MDFI: variants seen among roughly 807,000 people sequenced by gnomAD.
MDFI encodes MyoD family inhibitor.
In MDFI, 16 loss-of-function variants were observed where a neutral mutation model predicts 22.3. That is an observed-to-expected ratio of 0.72 (90% CI 0.49 to 1.09). The LOEUF is 1.09. MDFI is among the 50% of genes least tolerant of loss of function. MDFI has a pLI of 0.00. For synonymous variants in MDFI, 145 were observed against 142.7 expected (o/e 1.02, Z -0.12); for missense variants, 314 against 326.1 (o/e 0.96, Z 0.29).
At chr6:41,646,989 C>G (rs1768076416) in intron 3 of MDFI, among the ~76,000 whole-genome samples, 1 of 152,172 alleles carries the variant, frequency 6.6e-6, no homozygotes, top group African/African-American at 2.4e-5. Flanking sequence ...GAACGGCCCA[C>G]CCTGGTCCCA....
chr6:41,640,880 C>T (rs76526635), intron 2 of MDFI, among the ~76,000 whole-genome samples: 9,225 of 152,288 alleles, frequency 0.061, 375 homozygotes, highest in South Asian at 0.11. Context: ...CACATTTTTG[C>T]CCAGCATTGG....
Position 41,653,824 on chromosome 6 carries a change from G to GAAC in MDFI, c.*249_*250insAAC. The GAAC allele has an allele frequency of 2.0e-6, 1 of 504,982 alleles. No homozygotes were observed. 31.3% of individuals were successfully genotyped at this position (504,982 alleles called of 1,614,324 possible). The stretch of plus-strand genomic sequence containing the variant: ...CCTGAACTCTTTACTGGGTTACCAG[G>GAAC]TTCATACATTGCTGAGGACCTGACA... On this transcript the variant is annotated 3_prime_UTR_variant, in exon 5 of 5. Coordinates refer to ENST00000230321, the MANE Select transcript of MDFI (RefSeq NM_005586.4). This position sits in a 1 kb window ranked among gnomAD's most constrained non-coding sequence, Gnocchi z 4.2.
In MDFI at chr6:41,653,346, G is replaced by T. The variant is rs370457777; in HGVS notation, c.512G>T (p.Cys171Phe). 6.2e-7 allele frequency: 1 copy of T among 1,612,628 alleles called. No individual in the cohort carries two copies. The highest frequency in any genetic ancestry group is 1.7e-5 in the Admixed American group (1 of 60,006). The change falls in exon 5 of 5, where the codon TGC becomes TTC. Residue 171 changes from cysteine to phenylalanine, a missense_variant. Physicochemically the swap from Cys to Phe is radical, Grantham distance 205. Coordinates refer to ENST00000230321, the MANE Select transcript of MDFI (RefSeq NM_005586.4). This position sits in a 1 kb window ranked among gnomAD's most constrained non-coding sequence, Gnocchi z 4.2. ...EDCCVHCILSCLFCEFLTLCN... is the reference protein window; with the variant it reads ...EDCCVHCILSFLFCEFLTLCN... ...TGCTGTGTCCACTGCATCCTGTCCT[G>T]CCTGTTCTGCGAGTTCCTGACGCTG...
At chr6:41,639,433 C>T (rs1026403772) in intron 2 of MDFI, 10 of 985,320 alleles carry the variant, frequency 1.0e-5, no homozygotes, top group Admixed American at 6.1e-5. Flanking sequence ...GTGAAATGCC[C>T]CGTCCCGCGC....
rs557736255 is a variant in MDFI, at chr6:41,647,916, G to A, written c.259+1608G>A. Among the ~76,000 whole-genome samples, 52 of 151,876 alleles carry A rather than the reference G, an allele frequency of 3.4e-4. 1 individual carries two copies. Among genetic ancestry groups the A allele is most frequent in the Admixed American group, 9.2e-4 (14 of 15,256 alleles). On this transcript the variant is annotated intron_variant, in intron 3 of 4. Coordinates refer to ENST00000230321, the MANE Select transcript of MDFI (RefSeq NM_005586.4). Reference sequence around the variant, plus strand: ...AAATTAGCCGGGCGTGGTGGCGGGCGCATGTAGTCCCTAGCTACTCGGGAG... The same window carrying A: ...AAATTAGCCGGGCGTGGTGGCGGGCACATGTAGTCCCTAGCTACTCGGGAG...
chr6:41,637,500 AG>A (rs35073412), upstream of MDFI, among the ~76,000 whole-genome samples: 2 of 151,662 alleles, frequency 1.3e-5, no homozygotes, highest in Non-Finnish European at 2.9e-5. This position sits in a 1 kb window ranked among gnomAD's most constrained non-coding sequence, Gnocchi z 6.8. Flanking sequence ...CTGTCACCCC[AG>A]GGGGCTGCCC....
chr6:41,650,147 T>G (rs1581842542), intron 4 of MDFI: 1 of 338,544 alleles, frequency 3.0e-6, no homozygotes, highest in Non-Finnish European at 5.1e-6. Flanking sequence ...TTTCCCAGAG[T>G]TGCTGTGACA....
At chr6:41,645,140 C>T (rs1767999376) in intron 2 of MDFI, among the ~76,000 whole-genome samples, 1 of 152,254 alleles carries the variant, frequency 6.6e-6, no homozygotes, top group South Asian at 2.1e-4. Flanking sequence ...CAACTAACTG[C>T]ATAGGCTGAG....
intron 2 of MDFI, among the ~76,000 whole-genome samples, chr6:41,643,562 G>GAAGGAAGGA (rs1561829622): frequency 3.8e-4 from 37 of 96,728 alleles, no homozygotes; most frequent in Non-Finnish European, 6.2e-4. Flanking sequence ...AGGAAGGAAG[G>GAAGGAAGGA]AAGGAAGGAA....
chr6:41,645,098 G>A (rs1276715831), intron 2 of MDFI, among the ~76,000 whole-genome samples: 1 of 152,086 alleles, frequency 6.6e-6, no homozygotes, highest in Non-Finnish European at 1.5e-5. Context: ...GGGGGCAGGT[G>A]GAAGGCCACC....
chr6:41,637,275 T>C (rs1346379684), upstream of MDFI: 2 of 151,816 alleles, frequency 1.3e-5, no homozygotes, highest in Non-Finnish European at 1.5e-5. This position sits in a 1 kb window ranked among gnomAD's most constrained non-coding sequence, Gnocchi z 6.8. Flanking sequence ...GCGATAGCCG[T>C]AAGTAGCGAC....
Position 41,653,643 on chromosome 6 carries a change from C to T in MDFI, c.*68C>T, listed in dbSNP as rs1768371521. On this transcript the variant is annotated 3_prime_UTR_variant, in exon 5 of 5. Transcript: ENST00000230321. This position sits in a 1 kb window ranked among gnomAD's most constrained non-coding sequence, Gnocchi z 4.2. Reference sequence around the variant, plus strand: ...CCAGCAGGGTCCCTCTGAGTGGGGCCAGGCCCAGGACTGTCACACAAGGCT... The same window carrying T: ...CCAGCAGGGTCCCTCTGAGTGGGGCTAGGCCCAGGACTGTCACACAAGGCT... The T allele has an allele frequency of 6.3e-7, 1 of 1,576,480 alleles. No homozygotes were observed. The highest frequency in any genetic ancestry group is 1.7e-5 in the Admixed American group (1 of 59,242).
In MDFI at chr6:41,653,468, T is replaced by G. The variant is rs1255816869; in HGVS notation, c.634T>G (p.Cys212Gly). The part of the protein sequence containing the change: ...CCCGSGECAD[C>G]DLPCDLDCGI... ...CTGTGGCTCTGGCGAGTGTGCCGAC[T>G]GCGACCTGCCCTGCGACCTGGACTG... The change falls in exon 5 of 5, where the codon TGC (cysteine) becomes GGC (glycine). Residue 212 changes from cysteine (C) to glycine (G), a missense_variant. By Grantham distance (159) the Cys-to-Gly change is radical. Coordinates refer to ENST00000230321, the MANE Select transcript of MDFI (RefSeq NM_005586.4). This position sits in a 1 kb window ranked among gnomAD's most constrained non-coding sequence, Gnocchi z 4.2. The G allele has an allele frequency of 6.2e-7, 1 of 1,604,322 alleles. No individual in the cohort carries two copies. The highest frequency in any genetic ancestry group is 1.7e-5 in the Admixed American group (1 of 60,028).
rs1195031001 is a variant in MDFI, at chr6:41,653,525, G to A, written c.691G>A (p.Asp231Asn). 6.2e-7 allele frequency: 1 copy of A among 1,601,702 alleles called. No homozygotes were observed. Among genetic ancestry groups the A allele is most frequent in the Non-Finnish European group, 8.5e-7 (1 of 1,179,960 alleles). ...GILDACCESA[D>N]CLEICMECCG... ...CCTGGATGCCTGCTGCGAGTCCGCG[G>A]ACTGCCTGGAGATCTGCATGGAGTG... Residue 231 changes from aspartate (D) to asparagine (N), a missense_variant, in exon 5 of 5, where the codon GAC becomes AAC. By Grantham distance (23) the Asp-to-Asn change is conservative. Transcript: ENST00000230321. The surrounding 1 kb of genome is among the most constrained non-coding windows in gnomAD (Gnocchi z 4.2).
intron 3 of MDFI, among the ~76,000 whole-genome samples, chr6:41,646,847 A>T (rs1050819905): frequency 2.0e-5 from 3 of 152,226 alleles, no homozygotes; most frequent in African/African-American, 7.2e-5. Context: ...ATTTGCCCAC[A>T]TCTTTAGACA....
intron 4 of MDFI, among the ~76,000 whole-genome samples, chr6:41,651,504 C>CAAAAAA: frequency 7.8e-6 from 1 of 128,282 alleles, no homozygotes; most frequent in Non-Finnish European, 1.7e-5. Flanking sequence ...AAAGGTGAGA[C>CAAAAAA]TCCTAGCAGG....
chr6:41,638,881 GCCAGTT>G lies in MDFI; in HGVS notation c.76+57_76+62del. On this transcript the variant is annotated intron_variant, in intron 2 of 4. Transcript: ENST00000230321. This position sits in a 1 kb window ranked among gnomAD's most constrained non-coding sequence, Gnocchi z 7.6. ...CAGGGGCGGGTGGGCGGCTGAAGGGGCCAGTTATTAGTTCTCCTCTCCGTCCCCAGA... is the reference window on the plus strand; with the variant it reads ...CAGGGGCGGGTGGGCGGCTGAAGGGGATTAGTTCTCCTCTCCGTCCCCAGA... 4 of 1,496,650 alleles carry G rather than the reference GCCAGTT, an allele frequency of 2.7e-6. No homozygotes were observed. The highest frequency in any genetic ancestry group is 3.6e-6 in the Non-Finnish European group (4 of 1,119,370). 92.7% of individuals were successfully genotyped at this position (1,496,650 alleles called of 1,614,324 possible).
Position 41,646,214 on chromosome 6 carries a change from G to A in MDFI, c.165G>A (p.Glu55=), listed in dbSNP as rs765852398. 1.9e-6 allele frequency: 3 copies of A among 1,594,356 alleles called. No homozygotes were observed. The highest frequency in any genetic ancestry group is 1.8e-5 in the Admixed American group (1 of 57,072). ...CAGCACCAGAGGAGGGCTCCCTGGA[G>A]GAGGCGGCAACCCCCATGCCCCAAG... ...AEAAPEEGSL[E]EAATPMPQGN... The change falls in exon 3 of 5, where the codon GAG becomes GAA. Residue 55 remains glutamate (E), a synonymous_variant. Coordinates refer to ENST00000230321, the MANE Select transcript of MDFI (RefSeq NM_005586.4).
Position 41,653,224 on chromosome 6 carries a change from C to T in MDFI, c.485-95C>T. ...CAGTGAACACTCAGCGTCCCTGCTG[C>T]TGCCGCTGCCGCAGGCCCCCACACC... On this transcript the variant is annotated intron_variant, in intron 4 of 4. Transcript: ENST00000230321. The surrounding 1 kb of genome is among the most constrained non-coding windows in gnomAD (Gnocchi z 4.2). 9 of 1,280,794 alleles carry T rather than the reference C, an allele frequency of 7.0e-6. No individual in the cohort carries two copies. Among genetic ancestry groups the T allele is most frequent in the South Asian group, 1.3e-5 (1 of 76,186 alleles). 79.3% of individuals were successfully genotyped at this position (1,280,794 alleles called of 1,614,324 possible).
Sources: allele counts gnomAD v4.1 joint callset (sites outside exome capture counted in the v4.1 genomes callset), GRCh38; gene constraint gnomAD v4.1.1; non-coding constraint Gnocchi (gnomAD v3.1); transcripts MANE v1.5; gene names NCBI Gene and HGNC (gene_info 2026-07-23, HGNC 2026-07-21).